Variants in STK10 observed in about 807,000 individuals in gnomAD.
STK10 encodes serine/threonine-protein kinase 10.
In STK10, 78 loss-of-function variants were observed where a neutral mutation model predicts 113.8. The ratio of observed to expected loss-of-function variants is 0.69; its 90% CI spans 0.57 to 0.83. The LOEUF (loss-of-function observed/expected upper bound fraction) is 0.83, where lower values mean the gene tolerates loss of function less well. Ranked by LOEUF, STK10 falls within the 40% of genes least tolerant of loss-of-function variation. The pLI is 0.00. For missense variants in STK10, 1,109 were observed against 1,280.1 expected (o/e 0.87, Z 2.04); for synonymous variants, 465 against 494.7 (o/e 0.94, Z 0.80).
intron 17 of STK10, 98 bp from the exon 18 acceptor site, chr5:172,053,140 C>A: frequency 1.2e-6 from 1 of 854,992 alleles, no homozygotes; most frequent in Non-Finnish European, 1.9e-6. Flanking sequence ...GCACCAGCAT[C>A]GTTCATTTAT....
At chr5:172,103,886 T>C (rs905181755) in intron 7 of STK10, among the ~76,000 whole-genome samples, 1 of 152,248 alleles carries the variant, frequency 6.6e-6, no homozygotes, top group East Asian at 1.9e-4. Context: ...ACTGCTGCTA[T>C]TCACTCCCAT....
intron 4 of STK10, among the ~76,000 whole-genome samples, chr5:172,109,966 C>T (rs3103583): frequency 0.23 from 34,908 of 152,158 alleles, 6,194 homozygotes; most frequent in African/African-American, 0.5. Context: ...AGACTTGCAA[C>T]GTGAAACAAG....
At chr5:172,054,739 C>G (rs1438805870) in intron 16 of STK10, 45 bp from the exon 17 acceptor site, 8 of 1,601,840 alleles carry the variant, frequency 5.0e-6, no homozygotes, top group Non-Finnish European at 6.8e-6. Context: ...CAGGGCCTGG[C>G]TGGTTGGGTA....
intron 2 of STK10, among the ~76,000 whole-genome samples, chr5:172,152,994 T>G (rs1770269661): frequency 1.3e-5 from 2 of 152,124 alleles, no homozygotes; most frequent in South Asian, 4.1e-4. Context: ...AAATGTAAAA[T>G]TATACATATA....
At chr5:172,140,032 A>G (rs1769942267) in intron 2 of STK10, among the ~76,000 whole-genome samples, 1 of 152,158 alleles carries the variant, frequency 6.6e-6, no homozygotes, top group African/African-American at 2.4e-5. Flanking sequence ...TGCAAACCAT[A>G]TATTTAACAG....
intron 12 of STK10, among the ~76,000 whole-genome samples, chr5:172,075,986 T>C (rs1768295496): frequency 1.0e-5 from 1 of 96,816 alleles, no homozygotes; most frequent in Admixed American, 8.8e-5. Context: ...GCAGCTATTC[T>C]TGTCTCTTCT....
chr5:172,157,432 T>C (rs545524437), intron 1 of STK10, among the ~76,000 whole-genome samples: 42 of 152,166 alleles, frequency 2.8e-4, no homozygotes, highest in African/African-American at 9.9e-4. Flanking sequence ...GGCATGCGCC[T>C]GTAGTCCCAG....
chr5:172,134,601 T>A (rs1003974697), intron 2 of STK10, among the ~76,000 whole-genome samples: 1 of 152,112 alleles, frequency 6.6e-6, no homozygotes, highest in Admixed American at 6.6e-5. Flanking sequence ...TATTTGTGCA[T>A]CAAAGGACAG....
intron 3 of STK10, among the ~76,000 whole-genome samples, chr5:172,117,911 G>A (rs1445856901): frequency 2.0e-5 from 3 of 150,568 alleles, no homozygotes; most frequent in African/African-American, 7.4e-5. Context: ...TACTCAGGAG[G>A]TTGAGGCAGG....
intron 12 of STK10, among the ~76,000 whole-genome samples, chr5:172,071,265 C>T (rs1399002188): frequency 8.5e-6 from 1 of 117,846 alleles, no homozygotes; most frequent in Non-Finnish European, 1.7e-5. Flanking sequence ...CATTGGAAGG[C>T]CATGTAACAA....
intron 1 of STK10, among the ~76,000 whole-genome samples, chr5:172,185,429 C>T (rs145152820): frequency 2.7e-3 from 410 of 152,156 alleles, no homozygotes; most frequent in African/African-American, 9.4e-3. Context: ...TCACCATGCC[C>T]GGCTAATTTC....
chr5:172,083,219 C>G (rs1427874568), intron 10 of STK10, 135 bp from the exon 11 acceptor site: 3 of 1,078,396 alleles, frequency 2.8e-6, no homozygotes, highest in Non-Finnish European at 4.0e-6. Context: ...ATGACTAGAA[C>G]TCAGGCTTCA....
At chr5:172,167,040 G>A (rs1329727263) in intron 1 of STK10, among the ~76,000 whole-genome samples, 2 of 151,856 alleles carry the variant, frequency 1.3e-5, no homozygotes, top group Non-Finnish European at 2.9e-5. Flanking sequence ...CGCACCTGTA[G>A]TCCCAGCTAC....
At chr5:172,088,411 C>A (rs1768618495) in intron 10 of STK10, among the ~76,000 whole-genome samples, 1 of 152,098 alleles carries the variant, frequency 6.6e-6, no homozygotes, top group Non-Finnish European at 1.5e-5. Flanking sequence ...GTAGTCCCAG[C>A]TACTCAGGAG....
At chr5:172,148,555 T>G (rs957325552) in intron 2 of STK10, among the ~76,000 whole-genome samples, 1 of 152,244 alleles carries the variant, frequency 6.6e-6, no homozygotes, top group Non-Finnish European at 1.5e-5. Flanking sequence ...CAGCTCCATC[T>G]GCTCTGGGCC....
chr5:172,172,511 C>A (rs1475191312), intron 1 of STK10, among the ~76,000 whole-genome samples: 1 of 152,224 alleles, frequency 6.6e-6, no homozygotes, highest in Non-Finnish European at 1.5e-5. Flanking sequence ...TGGCACTGGC[C>A]TCATGATGGT....
At position 172,164,434 on chromosome 5, in the gene STK10, A is replaced by G. The variant is rs2113826105; in HGVS notation, c.157-7646T>C. Among the ~76,000 whole-genome samples, 2 of 152,266 alleles carry G rather than the reference A, an allele frequency of 1.3e-5. 1 individual carries two copies. Among genetic ancestry groups the G allele is most frequent in the African/African-American group, 4.8e-5 (2 of 41,562 alleles). On this transcript the variant is annotated intron_variant, in intron 1 of 18. Coordinates refer to ENST00000176763, the MANE Select transcript of STK10 (RefSeq NM_005990.4). ...AGAAGACCGTTGATCCCTTCAATTAACTTTTACAACTCTCTATTAAGGGCT... is the reference window on the plus strand; with the variant it reads ...AGAAGACCGTTGATCCCTTCAATTAGCTTTTACAACTCTCTATTAAGGGCT...
chr5:172,158,248 T>C (rs955910008), intron 1 of STK10, among the ~76,000 whole-genome samples: 1 of 151,622 alleles, frequency 6.6e-6, no homozygotes, highest in African/African-American at 2.4e-5. Flanking sequence ...AGACCTATCC[T>C]AGGACCTAGC....
At chr5:172,144,979 T>C (rs1770056013) in intron 2 of STK10, among the ~76,000 whole-genome samples, 1 of 152,092 alleles carries the variant, frequency 6.6e-6, no homozygotes, top group African/African-American at 2.4e-5. Flanking sequence ...CCTCAGGTAC[T>C]ATCTGGCCCA....
Sources: gnomAD v4.1 joint callset for allele counts (sites outside exome capture counted in the v4.1 genomes callset) on GRCh38, gnomAD v4.1.1 for gene constraint, MANE v1.5 for transcripts, NCBI Gene and HGNC (gene_info 2026-07-23, HGNC 2026-07-21) for gene names.